The following UBE2E1 variants were observed in gnomAD, a reference collection of about 807,000 sequenced individuals.
UBE2E1 encodes the protein ubiquitin-conjugating enzyme E2 E1.
A neutral mutation model predicts 21.4 loss-of-function variants in UBE2E1; 6 were observed. That is an observed-to-expected ratio of 0.28 (90% CI 0.15 to 0.55). The LOEUF is 0.55. Among genes scored for constraint, UBE2E1 ranks in the 20% least tolerant of loss-of-function variants. The pLI is 0.93. For missense variants in UBE2E1, 142 were observed against 236.5 expected (o/e 0.60, Z 2.62); for synonymous variants, 87 against 82.7 (o/e 1.05, Z -0.28).
In UBE2E1 at chr3:23,810,824, C is replaced by T. The variant is rs1383623657; in HGVS notation, c.153-636C>T. On this transcript the variant is annotated intron_variant, in intron 2 of 5. Transcript: ENST00000306627. This position sits in a 1 kb window ranked among gnomAD's most constrained non-coding sequence, Gnocchi z 5.8. ...GCGCGCGGGGTGGGGGCGGCGTGGC[C>T]GGGCGGTGGCAGCCCACCGCTGGGG... is the stretch of plus-strand genomic sequence containing the variant. 5.4e-6 allele frequency: 1 copy of T among 184,118 alleles called. No homozygotes were observed. Among genetic ancestry groups the T allele is most frequent in the Non-Finnish European group, 1.1e-5 (1 of 89,710 alleles). The allele number at this position is 184,118 out of a possible 1,614,324, so 11.4% of individuals were successfully genotyped here.
At chr3:23,819,754 T>A (rs2125285845) in intron 3 of UBE2E1, among the ~76,000 whole-genome samples, 2 of 152,360 alleles carry the variant, frequency 1.3e-5, no homozygotes, top group Non-Finnish European at 2.9e-5. Context: ...GCTGGCAGTC[T>A]TTCTGAGTTG....
intron 3 of UBE2E1, among the ~76,000 whole-genome samples, chr3:23,829,983 C>T (rs1699835418): frequency 6.6e-6 from 1 of 152,152 alleles, no homozygotes; most frequent in Non-Finnish European, 1.5e-5. Flanking sequence ...TCCCCCTTCC[C>T]TCCACTCCTT....
At chr3:23,865,462 C>T (rs1255204079) in intron 3 of UBE2E1, among the ~76,000 whole-genome samples, 1 of 152,170 alleles carries the variant, frequency 6.6e-6, no homozygotes, top group African/African-American at 2.4e-5. Flanking sequence ...TCAGGTGATC[C>T]TCCCGCCTTA....
intron 3 of UBE2E1, among the ~76,000 whole-genome samples, chr3:23,832,848 T>G (rs1314919330): frequency 6.6e-6 from 1 of 152,030 alleles, no homozygotes; most frequent in Non-Finnish European, 1.5e-5. Flanking sequence ...CTGAGCAACA[T>G]GGTGAAACCC....
At chr3:23,854,014 T>G (rs1282143633) in intron 3 of UBE2E1, among the ~76,000 whole-genome samples, 1 of 152,034 alleles carries the variant, frequency 6.6e-6, no homozygotes, top group African/African-American at 2.4e-5. Context: ...TCCCAGCACT[T>G]TGGGAGACCG....
chr3:23,888,400 C>G (rs778753681), intron 4 of UBE2E1: 4 of 346,636 alleles, frequency 1.2e-5, no homozygotes, highest in Non-Finnish European at 2.3e-5. Context: ...TCGAAAGTCA[C>G]TTTTTTAAAA....
chr3:23,823,379 T>C lies in UBE2E1; in HGVS notation c.203+11869T>C, dbSNP rs1699685527. 6.6e-6 allele frequency among the ~76,000 whole-genome samples: 1 copy of C among 152,234 alleles called. No homozygotes were observed. Among genetic ancestry groups the C allele is most frequent in the South Asian group, 2.1e-4 (1 of 4,834 alleles). On this transcript the variant is annotated intron_variant, in intron 3 of 5. Transcript: ENST00000306627. The surrounding 1 kb of genome is among the most constrained non-coding windows in gnomAD (Gnocchi z 4.2). ...TCTTCTAATTCAGAGAGTAATTAGT[T>C]GGAATCACAAAAGCATTAGGTGCTG...
chr3:23,883,995 G>A (rs1247728949), intron 3 of UBE2E1, among the ~76,000 whole-genome samples: 1 of 151,970 alleles, frequency 6.6e-6, no homozygotes, highest in Non-Finnish European at 1.5e-5. Context: ...AATTCCTGAG[G>A]GCCCACAGGT....
At chr3:23,885,129 C>T (rs1701150495) in intron 3 of UBE2E1, among the ~76,000 whole-genome samples, 1 of 152,184 alleles carries the variant, frequency 6.6e-6, no homozygotes, top group African/African-American at 2.4e-5. Flanking sequence ...GGATGCGTTT[C>T]TTGGTTTCCA....
At chr3:23,867,607 C>T (rs938237893) in intron 3 of UBE2E1, among the ~76,000 whole-genome samples, 3 of 152,134 alleles carry the variant, frequency 2.0e-5, no homozygotes, top group African/African-American at 7.2e-5. Flanking sequence ...TGTGGGCTCT[C>T]CGGTCCCCCT....
chr3:23,813,642 T>A (rs1699449342), intron 3 of UBE2E1, among the ~76,000 whole-genome samples: 1 of 152,114 alleles, frequency 6.6e-6, no homozygotes. Flanking sequence ...TCCCGGGTCC[T>A]GGTTCAAGCA....
chr3:23,842,244 T>TG lies in UBE2E1; in HGVS notation c.203+30735dup, dbSNP rs1417675271. ...GTGTGTGTGTGTGTGTGTGTGTGTG[T>TG]GTGTGGTGTTGTTGTTGTTGGCGAC... On this transcript the variant is annotated intron_variant, in intron 3 of 5. Coordinates refer to ENST00000306627, the MANE Select transcript of UBE2E1 (RefSeq NM_003341.5). The surrounding 1 kb of genome is among the most constrained non-coding windows in gnomAD (Gnocchi z 4.6). 1.5e-3 allele frequency among the ~76,000 whole-genome samples: 92 copies of TG among 62,490 alleles called. No homozygotes were observed. Among genetic ancestry groups the TG allele is most frequent in the African/African-American group, 5.8e-3 (89 of 15,276 alleles). The allele number at this position is 62,490 out of a possible 152,430, so 41.0% of individuals were successfully genotyped here.
At chr3:23,831,676 A>G (rs188772037) in intron 3 of UBE2E1, among the ~76,000 whole-genome samples, 1,466 of 137,724 alleles carry the variant, frequency 0.011, 26 homozygotes, top group African/African-American at 0.039. Context: ...GTGCTACCAC[A>G]CCCAGCTAAG....
intron 3 of UBE2E1, among the ~76,000 whole-genome samples, chr3:23,834,404 T>A (rs1195719328): frequency 1.3e-5 from 2 of 152,256 alleles, no homozygotes; most frequent in African/African-American, 4.8e-5. Flanking sequence ...ATTGTTCTAC[T>A]TGCCCACTTA....
intron 2 of UBE2E1, 136 bp from the exon 3 acceptor site, chr3:23,811,324 T>C: frequency 1.3e-6 from 1 of 774,246 alleles, no homozygotes; most frequent in East Asian, 2.6e-5. Context: ...CTGAAGTTCT[T>C]GATGTGTAGT....
rs964520174 is a variant in UBE2E1, at chr3:23,808,308, G to T, written c.152+887G>T. 6.6e-6 allele frequency among the ~76,000 whole-genome samples: 1 copy of T among 151,842 alleles called. No individual in the cohort carries two copies. Among genetic ancestry groups the T allele is most frequent in the Non-Finnish European group, 1.5e-5 (1 of 68,004 alleles). On this transcript the variant is annotated intron_variant, in intron 2 of 5. Transcript: ENST00000306627. This position sits in a 1 kb window ranked among gnomAD's most constrained non-coding sequence, Gnocchi z 4.9. ...CATCCTTCAGTAATATCCTCTGATC[G>T]CCATGACCCTCAAAATCATCTTTAG... is the stretch of plus-strand genomic sequence containing the variant.
intron 3 of UBE2E1, among the ~76,000 whole-genome samples, chr3:23,824,674 T>C (rs1252863073): frequency 2.6e-5 from 4 of 152,360 alleles, no homozygotes; most frequent in Admixed American, 2.6e-4. Flanking sequence ...TAGAAAGAAA[T>C]GCTATGTTGG....
chr3:23,877,415 G>T (rs1452309473), intron 3 of UBE2E1, among the ~76,000 whole-genome samples: 1 of 152,090 alleles, frequency 6.6e-6, no homozygotes, highest in Non-Finnish European at 1.5e-5. Flanking sequence ...CTAAGGCAGG[G>T]TTTCTCAGCC....
chr3:23,868,761 G>A (rs1448794726), intron 3 of UBE2E1, among the ~76,000 whole-genome samples: 1 of 151,748 alleles, frequency 6.6e-6, no homozygotes, highest in Non-Finnish European at 1.5e-5. Flanking sequence ...CTGTTTGAAG[G>A]AGAAAATCCC....
Sources: allele counts gnomAD v4.1 joint callset (sites outside exome capture counted in the v4.1 genomes callset), GRCh38; gene constraint gnomAD v4.1.1; non-coding constraint Gnocchi (gnomAD v3.1); transcripts MANE v1.5; gene names NCBI Gene and HGNC (gene_info 2026-07-23, HGNC 2026-07-21).